ATP13A4: variants seen among roughly 807,000 people sequenced by gnomAD.
ATP13A4 encodes the protein ATPase 13A4.
Under a neutral mutation model 142.5 loss-of-function variants are expected in ATP13A4, and 114 were observed. That is an observed-to-expected ratio of 0.80 (90% confidence interval 0.69 to 0.93). The LOEUF (loss-of-function observed/expected upper bound fraction) is 0.93, where lower values mean the gene tolerates loss of function less well. Ranked by LOEUF, ATP13A4 falls within the 40% of genes least tolerant of loss-of-function variation. The probability of loss-of-function intolerance (pLI) is 0.00; values close to 1 mark genes in which losing one functional copy is unlikely to be tolerated. For synonymous variants in ATP13A4, 488 were observed against 514.8 expected, an observed-to-expected ratio of 0.95 and a Z score of 0.70; for missense variants, 1,392 against 1,454.0, an observed-to-expected ratio of 0.96 and a Z score of 0.69.
chr3:193,512,252 G>A (rs750497131), intron 2 of ATP13A4, among the ~76,000 whole-genome samples: 24 of 152,078 alleles, frequency 1.6e-4, no homozygotes, highest in African/African-American at 4.1e-4. Context: ...TCTTAAGTTC[G>A]CGTGGAGGGG....
intron 7 of ATP13A4, among the ~76,000 whole-genome samples, chr3:193,486,657 T>C (rs1216306746): frequency 6.6e-6 from 1 of 152,130 alleles, no homozygotes; most frequent in African/African-American, 2.4e-5. Context: ...TTTTTGATAT[T>C]AAGGTGGGGA....
chr3:193,564,333 C>T (rs1023523628), intron 2 of ATP13A4, among the ~76,000 whole-genome samples: 6 of 152,234 alleles, frequency 3.9e-5, no homozygotes, highest in African/African-American at 1.4e-4. Flanking sequence ...GGTAAGCAAG[C>T]TGTTAAGAGA....
chr3:193,538,950 G>A (rs1200384307), intron 1 of ATP13A4, among the ~76,000 whole-genome samples: 25 of 142,918 alleles, frequency 1.7e-4, no homozygotes, highest in East Asian at 4.1e-4. Flanking sequence ...GCTGGAGCAC[G>A]GCCTCCTCCG....
chr3:193,491,896 T>A, intron 5 of ATP13A4, among the ~76,000 whole-genome samples: 1 of 152,228 alleles, frequency 6.6e-6, no homozygotes, highest in East Asian at 1.9e-4. Flanking sequence ...AAAATAGCTC[T>A]ACACACATAA....
At chr3:193,419,856 C>T (rs188814998) in intron 25 of ATP13A4, among the ~76,000 whole-genome samples, 32 of 150,250 alleles carry the variant, frequency 2.1e-4, no homozygotes, top group Non-Finnish European at 4.3e-4. Flanking sequence ...CCCACTGCCC[C>T]TCCAGGGCCC....
chr3:193,484,119 G>C, intron 7 of ATP13A4, 114 bp from the exon 8 acceptor site: 1 of 884,108 alleles, frequency 1.1e-6, no homozygotes, highest in Non-Finnish European at 1.9e-6. Context: ...CAGTTGAATG[G>C]AATGTACTGG....
chr3:193,554,606 A>G, intron 1 of ATP13A4, 134 bp downstream of exon 1: 2 of 1,136,138 alleles, frequency 1.8e-6, no homozygotes, highest in South Asian at 1.3e-5. Flanking sequence ...TTTCTCGTGT[A>G]ATACCAGAGT....
At chr3:193,475,581 G>T (rs1718918008) in intron 8 of ATP13A4, among the ~76,000 whole-genome samples, 1 of 151,902 alleles carries the variant, frequency 6.6e-6, no homozygotes, top group Non-Finnish European at 1.5e-5. Context: ...AGTCAGAAAG[G>T]AGAGGAATAG....
chr3:193,477,361 T>G (rs562777051), intron 8 of ATP13A4, among the ~76,000 whole-genome samples: 1 of 152,072 alleles, frequency 6.6e-6, no homozygotes, highest in Admixed American at 6.5e-5. Context: ...ATTCATTAAG[T>G]TGATAATTAT....
chr3:193,404,458 C>T (rs1472899607), intron 29 of ATP13A4, among the ~76,000 whole-genome samples: 3 of 152,142 alleles, frequency 2.0e-5, no homozygotes. Context: ...ATTTGTATTT[C>T]CATCCAAATC....
At chr3:193,501,050 T>C (rs1478293423) in intron 3 of ATP13A4, among the ~76,000 whole-genome samples, 1 of 152,178 alleles carries the variant, frequency 6.6e-6, no homozygotes, top group East Asian at 1.9e-4. Context: ...CTATCACAAC[T>C]TTCCATTTCA....
At position 193,493,091 on chromosome 3, in the gene ATP13A4, C is replaced by G. The variant is rs1212588994; in HGVS notation, c.451G>C (p.Gly151Arg). ...GCTGTACTTGCTAAAACAACTTACCCAATTTTCTGGAACTGTCCTTCTAAG... is the reference window on the plus strand; with the variant it reads ...GCTGTACTTGCTAAAACAACTTACCGAATTTTCTGGAACTGTCCTTCTAAG... ...NYLEGQFQKI[G>R]SLEDWLSSAK... Residue 151 changes from glycine (G) to arginine (R), a missense_variant and splice_region_variant, in exon 4 of 30, where the codon GGT (glycine) becomes CGT (arginine). Transcript: ENST00000342695. The G allele has an allele frequency of 6.8e-6, 11 of 1,613,116 alleles. No individual in the cohort carries two copies. Among genetic ancestry groups the G allele is most frequent in the South Asian group, 1.1e-5 (1 of 91,042 alleles).
At chr3:193,480,769 A>T (rs1199376357) in intron 8 of ATP13A4, among the ~76,000 whole-genome samples, 1 of 152,110 alleles carries the variant, frequency 6.6e-6, no homozygotes, top group African/African-American at 2.4e-5. Flanking sequence ...CAGCAATTCC[A>T]CTCCTGAGTA....
intron 25 of ATP13A4, chr3:193,418,967 T>G (rs1187409148): frequency 6.6e-6 from 1 of 150,382 alleles, no homozygotes; most frequent in African/African-American, 2.5e-5. Context: ...AGCTATTCCA[T>G]TTACCCCTCT....
intron 25 of ATP13A4, among the ~76,000 whole-genome samples, chr3:193,425,240 G>A (rs1426635798): frequency 6.6e-6 from 1 of 151,404 alleles, no homozygotes; most frequent in African/African-American, 2.4e-5. Flanking sequence ...AAAGAAAAGA[G>A]AACACTTACA....
chr3:193,498,904 C>T (rs1720389045), intron 3 of ATP13A4, among the ~76,000 whole-genome samples: 1 of 152,106 alleles, frequency 6.6e-6, no homozygotes, highest in Non-Finnish European at 1.5e-5. Flanking sequence ...CTGGAAAGAC[C>T]ATATAGCTGG....
chr3:193,534,402 C>A (rs1482817437), intron 1 of ATP13A4, among the ~76,000 whole-genome samples: 1 of 151,798 alleles, frequency 6.6e-6, no homozygotes, highest in African/African-American at 2.4e-5. Context: ...GATGCCAACA[C>A]CAAGGTAACA....
Position 193,423,030 on chromosome 3 carries a change from A to G in ATP13A4, c.2843-8280T>C, listed in dbSNP as rs1203329219. ...ATAAATAAAATCAGAGGTAAAGGAT[A>G]CATCACAACTAATAACACAGAAATA... On this transcript the variant is annotated intron_variant, in intron 25 of 29. Coordinates refer to ENST00000342695, the MANE Select transcript of ATP13A4 (RefSeq NM_032279.4). 2.0e-5 allele frequency among the ~76,000 whole-genome samples: 3 copies of G among 149,766 alleles called. 1 individual carries two copies. Among genetic ancestry groups the G allele is most frequent in the African/African-American group, 7.4e-5 (3 of 40,804 alleles).
intron 1 of ATP13A4, among the ~76,000 whole-genome samples, chr3:193,546,328 A>G (rs1039385568): frequency 5.3e-5 from 8 of 152,056 alleles, no homozygotes; most frequent in African/African-American, 1.9e-4. Flanking sequence ...ATTCCTGTTT[A>G]CCCAATGTAG....
Sources: allele counts gnomAD v4.1 joint callset (sites outside exome capture counted in the v4.1 genomes callset), GRCh38; gene constraint gnomAD v4.1.1; transcripts MANE v1.5; gene names NCBI Gene and HGNC (gene_info 2026-07-23, HGNC 2026-07-21).